The following ABCA1 variants were observed in gnomAD, a reference collection of about 807,000 sequenced individuals.
The protein encoded by ABCA1 is phospholipid-transporting ATPase ABCA1.
ABCA1 carries 133 observed loss-of-function variants against 262.5 expected under a neutral mutation model. The ratio of observed to expected loss-of-function variants is 0.51; its 90% confidence interval spans 0.44 to 0.59. The LOEUF is 0.59. Ranked by LOEUF, ABCA1 falls within the 20% of genes least tolerant of loss-of-function variation. ABCA1 has a pLI of 0.00. For synonymous variants in ABCA1, 1,022 were observed against 1,043.5 expected (o/e 0.98, Z 0.40); for missense variants, 2,452 against 2,777.5 (o/e 0.88, Z 2.63).
chr9:104,790,091 C>T (rs577387273), intron 44 of ABCA1, among the ~76,000 whole-genome samples: 1 of 138,506 alleles, frequency 7.2e-6, no homozygotes, highest in African/African-American at 3.1e-5. Context: ...AGTGAAACTC[C>T]GTCTCAAAAA....
intron 3 of ABCA1, among the ~76,000 whole-genome samples, chr9:104,887,725 T>C (rs1436403503): frequency 7.1e-6 from 1 of 140,830 alleles, no homozygotes; most frequent in Non-Finnish European, 1.6e-5. Flanking sequence ...GTTTATGCTT[T>C]TTTTTTTTTT....
At chr9:104,920,228 G>A (rs1842068772) in intron 1 of ABCA1, among the ~76,000 whole-genome samples, 1 of 152,216 alleles carries the variant, frequency 6.6e-6, no homozygotes, top group African/African-American at 2.4e-5. Flanking sequence ...ATGAGCCCAT[G>A]TGTATTTTTT....
Position 104,814,244 on chromosome 9 carries a change from G to A in ABCA1, c.3788-13C>T. 1 of 1,613,132 alleles carries A rather than the reference G, an allele frequency of 6.2e-7. No homozygotes were observed. The highest frequency in any genetic ancestry group is 2.2e-5 in the East Asian group (1 of 44,878). The stretch of plus-strand genomic sequence containing the variant: ...GGCAAGGTACCATCTGAAGGCACAA[G>A]GAAAGAATCCCATACTTTATTTTAT... On this transcript the variant is annotated splice_polypyrimidine_tract_variant and intron_variant, in intron 26 of 49. Transcript: ENST00000374736.
At chr9:104,886,110 A>G (rs1447076666) in intron 3 of ABCA1, among the ~76,000 whole-genome samples, 1 of 152,194 alleles carries the variant, frequency 6.6e-6, no homozygotes, top group African/African-American at 2.4e-5. Context: ...ACAAAGACTC[A>G]ACAAATGAGC....
At chr9:104,795,293 G>A (rs10115901) in intron 39 of ABCA1, among the ~76,000 whole-genome samples, 3,206 of 152,330 alleles carry the variant, frequency 0.021, 41 homozygotes, top group African/African-American at 0.036. Context: ...GCTGGGAAAG[G>A]GTGTGGTGGG....
chr9:104,880,433 G>C (rs182541535), intron 5 of ABCA1, among the ~76,000 whole-genome samples: 1 of 151,620 alleles, frequency 6.6e-6, no homozygotes, highest in South Asian at 2.1e-4. Flanking sequence ...CCAGGAATTC[G>C]AGGCTGCAGT....
intron 8 of ABCA1, among the ~76,000 whole-genome samples, chr9:104,844,043 C>G (rs1457477708): frequency 6.8e-6 from 1 of 147,654 alleles, no homozygotes; most frequent in African/African-American, 2.6e-5. Context: ...AAAAAAAAAC[C>G]AGGGCCAGTG....
chr9:104,854,312 C>T (rs1427277679), intron 7 of ABCA1, among the ~76,000 whole-genome samples: 1 of 152,124 alleles, frequency 6.6e-6, no homozygotes, highest in African/African-American at 2.4e-5. Flanking sequence ...AAAACACAGC[C>T]CCACAAACAC....
chr9:104,898,633 C>T (rs1243916539), intron 2 of ABCA1, among the ~76,000 whole-genome samples: 2 of 151,588 alleles, frequency 1.3e-5, no homozygotes, highest in African/African-American at 4.8e-5. Context: ...GAGAATTGGC[C>T]CTAAATGATC....
At chr9:104,873,629 C>T (rs1564219873) in intron 5 of ABCA1, among the ~76,000 whole-genome samples, 1 of 152,214 alleles carries the variant, frequency 6.6e-6, no homozygotes, top group South Asian at 2.1e-4. Flanking sequence ...CCCTTGCCAG[C>T]TGTGCTTTCT....
chr9:104,911,558 A>G (rs1440558521), intron 1 of ABCA1, among the ~76,000 whole-genome samples: 3 of 152,280 alleles, frequency 2.0e-5, no homozygotes, highest in African/African-American at 7.2e-5. Context: ...CATCAGCTTA[A>G]TTGAGCCTGA....
chr9:104,925,370 C>G (rs1826234661), intron 1 of ABCA1, among the ~76,000 whole-genome samples: 1 of 100,690 alleles, frequency 9.9e-6, no homozygotes, highest in Non-Finnish European at 2.3e-5. Context: ...AGCGAGACTG[C>G]ATCTCAAAAA....
At chr9:104,786,265 T>C (rs1828921647) in intron 48 of ABCA1, 33 bp downstream of exon 48, 3 of 1,523,162 alleles carry the variant, frequency 2.0e-6, no homozygotes, top group Non-Finnish European at 2.7e-6. Flanking sequence ...GCCTTCTCAC[T>C]AGGCACTATC....
At chr9:104,859,098 T>TA (rs1393468914) in intron 6 of ABCA1, among the ~76,000 whole-genome samples, 1 of 152,244 alleles carries the variant, frequency 6.6e-6, no homozygotes, top group African/African-American at 2.4e-5. Flanking sequence ...TGTCTTTAAG[T>TA]AGGACTGGGC....
At chr9:104,867,485 C>T (rs939861454) in intron 5 of ABCA1, among the ~76,000 whole-genome samples, 22 of 152,064 alleles carry the variant, frequency 1.4e-4, no homozygotes, top group African/African-American at 5.1e-4. Context: ...GTGGCTTTGG[C>T]GGCTAAGTTG....
At chr9:104,823,292 C>T (rs1832533979) in intron 18 of ABCA1, among the ~76,000 whole-genome samples, 1 of 152,150 alleles carries the variant, frequency 6.6e-6, no homozygotes, top group Non-Finnish European at 1.5e-5. Context: ...CATGAATTCA[C>T]ACATGATAAA....
intron 1 of ABCA1, among the ~76,000 whole-genome samples, chr9:104,916,251 G>A (rs1321460274): frequency 6.6e-6 from 1 of 152,106 alleles, no homozygotes; most frequent in African/African-American, 2.4e-5. Flanking sequence ...ATTTTAAGCA[G>A]CCAACATCAA....
At chr9:104,786,096 C>T (rs981978570) in intron 48 of ABCA1, among the ~76,000 whole-genome samples, 13 of 152,218 alleles carry the variant, frequency 8.5e-5, no homozygotes, top group African/African-American at 1.9e-4. Flanking sequence ...AGTTAAGTCA[C>T]TTGCCCAAGA....
intron 8 of ABCA1, among the ~76,000 whole-genome samples, chr9:104,845,162 C>G (rs1444751634): frequency 6.6e-6 from 1 of 152,144 alleles, no homozygotes; most frequent in Non-Finnish European, 1.5e-5. Flanking sequence ...AGTGCATGGG[C>G]AGTGGCAGAG....
Sources: gnomAD v4.1 joint callset for allele counts (sites outside exome capture counted in the v4.1 genomes callset) on GRCh38, gnomAD v4.1.1 for gene constraint, MANE v1.5 for transcripts, NCBI Gene and HGNC (gene_info 2026-07-23, HGNC 2026-07-21) for gene names.